Variants in WIPF1 observed in about 807,000 individuals in gnomAD.
WIPF1 encodes the protein WAS/WASL-interacting protein family member 1.
WIPF1 carries 13 observed loss-of-function variants against 35.4 expected under a neutral mutation model. The ratio of observed to expected loss-of-function variants is 0.37; its 90% CI spans 0.24 to 0.58. The LOEUF (loss-of-function observed/expected upper bound fraction) is 0.58, where lower values mean the gene tolerates loss of function less well. WIPF1 is among the 20% of genes least tolerant of loss of function. The pLI is 0.74. For synonymous variants in WIPF1, 267 were observed against 266.3 expected, an observed-to-expected ratio of 1.00 and a Z score of -0.02; for missense variants, 591 against 667.0, an observed-to-expected ratio of 0.89 and a Z score of 1.25.
intron 2 of WIPF1, 68 bp downstream of exon 2, chr2:174,585,455 G>T (rs1350192860): frequency 2.1e-6 from 3 of 1,453,812 alleles, no homozygotes; most frequent in East Asian, 2.3e-5. Flanking sequence ...ACAAACACAT[G>T]CACGCCAGGT....
intron 3 of WIPF1, 89 bp downstream of exon 3, chr2:174,581,221 A>C: frequency 6.6e-7 from 1 of 1,521,262 alleles, no homozygotes; most frequent in Admixed American, 2.1e-5. Context: ...CAAAAAATAA[A>C]ATAAAATAAA....
chr2:174,655,234 C>T (rs1687617093), intron 1 of WIPF1, among the ~76,000 whole-genome samples: 1 of 152,142 alleles, frequency 6.6e-6, no homozygotes, highest in African/African-American at 2.4e-5. Context: ...CCCTGAGATC[C>T]ATACCATTGG....
intron 1 of WIPF1, among the ~76,000 whole-genome samples, chr2:174,586,040 C>T (rs1685409130): frequency 1.3e-5 from 2 of 152,210 alleles, no homozygotes; most frequent in Admixed American, 1.3e-4. Flanking sequence ...GCTTTCTCCT[C>T]CCATTCTTCC....
intron 1 of WIPF1, among the ~76,000 whole-genome samples, chr2:174,614,742 C>T (rs1458640236): frequency 6.6e-6 from 1 of 152,206 alleles, no homozygotes; most frequent in East Asian, 1.9e-4. Flanking sequence ...CTTCTGTATA[C>T]AGAATTTCCT....
At chr2:174,647,311 G>A (rs1687430929) in intron 1 of WIPF1, among the ~76,000 whole-genome samples, 1 of 151,732 alleles carries the variant, frequency 6.6e-6, no homozygotes, top group Admixed American at 6.6e-5. Flanking sequence ...CCAGGAGTCC[G>A]AGGCTGCTGT....
intron 1 of WIPF1, among the ~76,000 whole-genome samples, chr2:174,603,321 T>G (rs1226400853): frequency 6.6e-6 from 1 of 152,220 alleles, no homozygotes; most frequent in Non-Finnish European, 1.5e-5. Flanking sequence ...TTTCTATCAT[T>G]AGCAATGCAA....
chr2:174,560,102 AAC>A lies in WIPF1; in HGVS notation c.*2443_*2444del, dbSNP rs1424770335. ...CATTTATCTGAAAATGTTATAAAAA[AAC>A]ACACATGTAAGCTCTGATTTCAGGG... On this transcript the variant is annotated 3_prime_UTR_variant, in exon 8 of 8. Transcript: ENST00000679041. The A allele has an allele frequency of 6.6e-6, 1 of 152,606 alleles. No homozygotes were observed. The allele number at this position is 152,606 out of a possible 1,614,324, so 9.5% of individuals were successfully genotyped here.
In WIPF1 at chr2:174,590,868, C is replaced by T. The variant is rs1685580744; in HGVS notation, c.-38-5257G>A. 6.6e-6 allele frequency among the ~76,000 whole-genome samples: 1 copy of T among 152,190 alleles called. No individual in the cohort carries two copies. Among genetic ancestry groups the T allele is most frequent in the East Asian group, 1.9e-4 (1 of 5,196 alleles). On this transcript the variant is annotated intron_variant, in intron 1 of 7. Coordinates refer to ENST00000679041, the MANE Select transcript of WIPF1 (RefSeq NM_001375834.1). This position sits in a 1 kb window ranked among gnomAD's most constrained non-coding sequence, Gnocchi z 4.6. ...CTAAAATCTTTACTTGGTGTGTTGACTTCTACAAACACAAAGAAAACTCAA... is the reference window on the plus strand; with the variant it reads ...CTAAAATCTTTACTTGGTGTGTTGATTTCTACAAACACAAAGAAAACTCAA...
chr2:174,648,493 T>A (rs981830613), intron 1 of WIPF1, among the ~76,000 whole-genome samples: 11 of 152,228 alleles, frequency 7.2e-5, no homozygotes, highest in Admixed American at 2.0e-4. Context: ...TAACCTTTGG[T>A]GCACTGTGGA....
intron 7 of WIPF1, among the ~76,000 whole-genome samples, chr2:174,563,079 T>C (rs1432131619): frequency 1.3e-5 from 2 of 152,224 alleles, no homozygotes; most frequent in African/African-American, 2.4e-5. Context: ...TTCCAAAATA[T>C]GACTACACTA....
Position 174,571,014 on chromosome 2 carries a change from T to C in WIPF1, c.1129+662A>G, listed in dbSNP as rs992662686. The stretch of plus-strand genomic sequence containing the variant: ...GGTTTCTCAACTGTGGATGGGGGCA[T>C]TGGAAGGGTCTCAGATGGGCTTCAG... On this transcript the variant is annotated intron_variant, in intron 5 of 7. Coordinates refer to ENST00000679041, the MANE Select transcript of WIPF1 (RefSeq NM_001375834.1). The surrounding 1 kb of genome is among the most constrained non-coding windows in gnomAD (Gnocchi z 4.6). Among the ~76,000 whole-genome samples, 19 of 152,298 alleles carry C rather than the reference T, an allele frequency of 1.2e-4. No individual in the cohort carries two copies. The highest frequency in any genetic ancestry group is 3.4e-3 in the Middle Eastern group (1 of 294).
chr2:174,572,375 G>C lies in WIPF1; in HGVS notation c.430C>G (p.Pro144Ala), dbSNP rs144275492. Residue 144 changes from proline (P) to alanine (A), a missense_variant, in exon 5 of 8, where the codon CCA (proline) becomes GCA (alanine). By Grantham distance (27) the Pro-to-Ala change is conservative. Coordinates refer to ENST00000679041, the MANE Select transcript of WIPF1 (RefSeq NM_001375834.1). ...ACAGGAAACCTCCCTGGGCCACTTG[G>C]GGGTGAAAAGGGTTTCGCAGATGTG... ...RSTSAKPFSP[P>A]SGPGRFPVPS... 6 of 1,614,160 alleles carry C rather than the reference G, an allele frequency of 3.7e-6. No individual in the cohort carries two copies. The highest frequency in any genetic ancestry group is 2.5e-6 in the Non-Finnish European group (3 of 1,180,014).
At chr2:174,605,003 A>T (rs1686113789) in intron 1 of WIPF1, among the ~76,000 whole-genome samples, 2 of 152,302 alleles carry the variant, frequency 1.3e-5, no homozygotes, top group Middle Eastern at 3.4e-3. Flanking sequence ...GTGGGGCTGA[A>T]TTGGTAGTAT....
At chr2:174,577,986 T>C (rs895644616) in intron 3 of WIPF1, among the ~76,000 whole-genome samples, 2 of 152,174 alleles carry the variant, frequency 1.3e-5, no homozygotes, top group African/African-American at 2.4e-5. Context: ...TGATTTAGAT[T>C]TGTTTTTTGG....
chr2:174,572,283 G>A lies in WIPF1; in HGVS notation c.522C>T (p.Pro174=), dbSNP rs764575934. Residue 174 remains proline, a synonymous_variant, in exon 5 of 8, where the codon CCC becomes CCT. Coordinates refer to ENST00000679041, the MANE Select transcript of WIPF1 (RefSeq NM_001375834.1). ...TGCTATCAGGCTTTGAGCCCACGTC[G>A]GGCCTTGGGGGCGGCATTCGGTTCC... ...PQRNRMPPPR[P]DVGSKPDSIP... 1.2e-6 allele frequency: 2 copies of A among 1,614,102 alleles called. No individual in the cohort carries two copies. The highest frequency in any genetic ancestry group is 1.7e-5 in the Admixed American group (1 of 60,024).
chr2:174,604,308 A>C (rs1559158574), intron 1 of WIPF1, among the ~76,000 whole-genome samples: 1 of 152,168 alleles, frequency 6.6e-6, no homozygotes, highest in Non-Finnish European at 1.5e-5. Flanking sequence ...ATCTCAAGAA[A>C]TTTTCTTCAC....
At chr2:174,637,222 A>G (rs1687202274) in intron 1 of WIPF1, among the ~76,000 whole-genome samples, 1 of 150,310 alleles carries the variant, frequency 6.7e-6, no homozygotes, top group African/African-American at 2.5e-5. Context: ...CCTTTGACAT[A>G]CTCCTATCAA....
At chr2:174,653,425 G>T (rs1687574007) in intron 1 of WIPF1, among the ~76,000 whole-genome samples, 1 of 152,098 alleles carries the variant, frequency 6.6e-6, no homozygotes, top group Non-Finnish European at 1.5e-5. Flanking sequence ...TGTCCTGGAA[G>T]TCTAAGACTG....
chr2:174,612,323 G>A (rs995784524), intron 1 of WIPF1, among the ~76,000 whole-genome samples: 1 of 152,016 alleles, frequency 6.6e-6, no homozygotes, highest in Admixed American at 6.6e-5. Flanking sequence ...GTGTACGTGC[G>A]TCTGTATATA....
Sources: gnomAD v4.1 joint callset for allele counts (sites outside exome capture counted in the v4.1 genomes callset) on GRCh38, gnomAD v4.1.1 for gene constraint, Gnocchi (gnomAD v3.1) non-coding constraint, MANE v1.5 for transcripts, NCBI Gene and HGNC (gene_info 2026-07-23, HGNC 2026-07-21) for gene names.